The following ZNF644 variants were observed in gnomAD, a reference collection of about 807,000 sequenced individuals.
ZNF644 encodes zinc finger motif enhancer binding protein 2.
ZNF644 carries 20 observed loss-of-function variants against 108.0 expected under a neutral mutation model. The ratio of observed to expected loss-of-function variants is 0.19; its 90% CI spans 0.13 to 0.27. The LOEUF is 0.27. Ranked by LOEUF, ZNF644 falls within the 10% of genes least tolerant of loss-of-function variation. The pLI is 1.00. For synonymous variants in ZNF644, 542 were observed against 539.1 expected (o/e 1.01, Z -0.08); for missense variants, 1,338 against 1,548.9 (o/e 0.86, Z 2.29).
chr1:90,980,617 A>G (rs1656449724), intron 2 of ZNF644, among the ~76,000 whole-genome samples: 1 of 152,228 alleles, frequency 6.6e-6, no homozygotes, highest in Admixed American at 6.5e-5. Flanking sequence ...ACAATGGAAT[A>G]TTACTAAAAA....
chr1:90,978,681 ACT>A (rs1247527846), intron 2 of ZNF644, among the ~76,000 whole-genome samples: 6 of 152,176 alleles, frequency 3.9e-5, no homozygotes, highest in Non-Finnish European at 7.3e-5. Context: ...GAAGACGAAG[ACT>A]CTGCAACGGA....
At chr1:90,968,218 G>A (rs777944559) in intron 2 of ZNF644, among the ~76,000 whole-genome samples, 32 of 152,024 alleles carry the variant, frequency 2.1e-4, no homozygotes, top group Non-Finnish European at 3.5e-4. Flanking sequence ...TATTTTGTAG[G>A]AATTTGCAGG....
chr1:90,985,250 C>T (rs1656980387), intron 1 of ZNF644, among the ~76,000 whole-genome samples: 1 of 152,254 alleles, frequency 6.6e-6, no homozygotes, highest in South Asian at 2.1e-4. Context: ...CATATGCTTA[C>T]ATAGTAGAAT....
intron 2 of ZNF644, among the ~76,000 whole-genome samples, chr1:90,943,627 T>G (rs1652235560): frequency 6.6e-6 from 1 of 152,138 alleles, no homozygotes; most frequent in Admixed American, 6.6e-5. Context: ...CCCTCGTAGG[T>G]TTTAGAATTC....
Position 90,940,367 on chromosome 1 carries a change from A to G in ZNF644, c.987T>C (p.Asn329=), listed in dbSNP as rs750102725. 4.3e-6 allele frequency: 7 copies of G among 1,613,420 alleles called. No homozygotes were observed. In the South Asian group the frequency reaches 6.6e-5, roughly 15 times the overall value. The change falls in exon 3 of 6, where the codon AAT becomes AAC. Residue 329 remains asparagine, a synonymous_variant. Coordinates refer to ENST00000337393, the MANE Select transcript of ZNF644 (RefSeq NM_201269.3). ...GTGAGTCTACTGCTTGTAGCTCTTC[A>G]TTTTGTTCTAGAAAGTCTACTTCTT... ...KMQEVDFLEQ[N]EELQAVDSQK... is the part of the protein sequence containing the mutation.
At chr1:90,958,191 G>A (rs138043401) in intron 2 of ZNF644, among the ~76,000 whole-genome samples, 137 of 123,494 alleles carry the variant, frequency 1.1e-3, no homozygotes, top group African/African-American at 4.3e-3. Context: ...AGCTGAAATC[G>A]CACCACTGCA....
intron 4 of ZNF644, among the ~76,000 whole-genome samples, chr1:90,926,644 T>C (rs1367429831): frequency 1.3e-5 from 2 of 152,214 alleles, no homozygotes; most frequent in African/African-American, 4.8e-5. Context: ...GGTAGCAGAT[T>C]GATTAACTGT....
chr1:90,920,620 T>A (rs920410607), intron 4 of ZNF644, among the ~76,000 whole-genome samples: 1 of 152,040 alleles, frequency 6.6e-6, no homozygotes, highest in African/African-American at 2.4e-5. Flanking sequence ...GTTTTATGAA[T>A]GATCAGATCT....
chr1:90,974,795 T>C (rs12564413), intron 2 of ZNF644, among the ~76,000 whole-genome samples: 3 of 152,198 alleles, frequency 2.0e-5, no homozygotes, highest in Admixed American at 1.3e-4. Flanking sequence ...CTAAAACAGA[T>C]AGAATAAAGT....
In ZNF644 at chr1:90,938,739, T is replaced by C; in HGVS notation, c.2615A>G (p.Gln872Arg). 2.5e-6 allele frequency: 4 copies of C among 1,613,948 alleles called. No individual in the cohort carries two copies. Among genetic ancestry groups the C allele is most frequent in the Non-Finnish European group, 2.5e-6 (3 of 1,179,882 alleles). Residue 872 changes from glutamine to arginine, a missense_variant, in exon 3 of 6, where the codon CAG becomes CGG. Transcript: ENST00000337393. This position sits in a 1 kb window ranked among gnomAD's most constrained non-coding sequence, Gnocchi z 4.2. ...DNVELGDYTT[Q>R]AIEDETYSDI... ...ACTATAGGTTTCATCTTCTATGGCC[T>C]GTGTAGTGTAGTCTCCTAACTCAAC...
At chr1:91,020,876 A>T (rs1251890676) in intron 1 of ZNF644, 3 of 152,212 alleles carry the variant, frequency 2.0e-5, no homozygotes, top group Non-Finnish European at 4.4e-5. Context: ...TAACAAGACA[A>T]GACCATCATT....
At chr1:90,917,635 T>C (rs950813742) in intron 5 of ZNF644, among the ~76,000 whole-genome samples, 28 of 152,048 alleles carry the variant, frequency 1.8e-4, no homozygotes, top group Non-Finnish European at 5.9e-5. Flanking sequence ...GTAGCTGGGA[T>C]TACAGGCACC....
intron 2 of ZNF644, among the ~76,000 whole-genome samples, chr1:90,980,256 T>C (rs913725046): frequency 1.7e-4 from 26 of 152,158 alleles, no homozygotes. Context: ...ATGCTTCAGA[T>C]AGGCTATTTC....
chr1:90,947,292 T>G (rs1430969895), intron 2 of ZNF644, among the ~76,000 whole-genome samples: 3 of 152,122 alleles, frequency 2.0e-5, no homozygotes, highest in Non-Finnish European at 4.4e-5. Context: ...TCAGCTTACA[T>G]CGTAATAGAC....
At chr1:91,014,209 C>G (rs1486850150) in intron 1 of ZNF644, among the ~76,000 whole-genome samples, 1 of 152,154 alleles carries the variant, frequency 6.6e-6, no homozygotes. Flanking sequence ...AAAATGTACT[C>G]TCCTAGCAAC....
At chr1:90,967,582 T>G (rs1042290551) in intron 2 of ZNF644, among the ~76,000 whole-genome samples, 3 of 152,174 alleles carry the variant, frequency 2.0e-5, no homozygotes, top group African/African-American at 7.2e-5. Flanking sequence ...GTCAACCTAA[T>G]GAAGGAACAC....
At chr1:90,974,702 T>C (rs1167925667) in intron 2 of ZNF644, among the ~76,000 whole-genome samples, 1 of 152,200 alleles carries the variant, frequency 6.6e-6, no homozygotes, top group Admixed American at 6.5e-5. Context: ...CAGGCCAGCA[T>C]GCTCCCCATA....
chr1:91,018,881 C>T (rs977027285), intron 1 of ZNF644, among the ~76,000 whole-genome samples: 1 of 152,142 alleles, frequency 6.6e-6, no homozygotes, highest in South Asian at 2.1e-4. Flanking sequence ...GAATGACAAA[C>T]TAAAACTGGA....
At chr1:90,919,958 A>G (rs1441236879) in intron 4 of ZNF644, among the ~76,000 whole-genome samples, 1 of 152,094 alleles carries the variant, frequency 6.6e-6, no homozygotes, top group Non-Finnish European at 1.5e-5. Context: ...CAGCCAGCTT[A>G]TGTACAGAAA....
Sources: gnomAD v4.1 joint callset for allele counts (sites outside exome capture counted in the v4.1 genomes callset) on GRCh38, gnomAD v4.1.1 for gene constraint, Gnocchi (gnomAD v3.1) non-coding constraint, MANE v1.5 for transcripts, NCBI Gene and HGNC (gene_info 2026-07-23, HGNC 2026-07-21) for gene names.